The following KLF12 variants were observed in gnomAD, a reference collection of about 807,000 sequenced individuals.
KLF12 encodes the protein Krueppel-like factor 12.
A neutral mutation model predicts 37.8 loss-of-function variants in KLF12; 9 were observed. The ratio of observed to expected loss-of-function variants is 0.24; its 90% CI spans 0.14 to 0.42. The LOEUF is 0.42. KLF12 is among the 10% of genes least tolerant of loss of function. The pLI is 1.00. For synonymous variants in KLF12, 208 were observed against 202.1 expected (o/e 1.03, Z -0.25); for missense variants, 411 against 516.0 (o/e 0.80, Z 1.97).
intron 6 of KLF12, among the ~76,000 whole-genome samples, chr13:73,731,604 G>T (rs531890992): frequency 6.7e-5 from 10 of 148,840 alleles, no homozygotes; most frequent in Admixed American, 6.1e-4. Context: ...TTCTTTTAGG[G>T]ATATTACTAA....
intron 4 of KLF12, among the ~76,000 whole-genome samples, chr13:73,834,054 G>A (rs947366969): frequency 6.6e-6 from 1 of 152,124 alleles, no homozygotes; most frequent in Non-Finnish European, 1.5e-5. Context: ...TGTCAAACAC[G>A]ATGTTGGGGA....
chr13:73,964,451 G>A (rs1016951803), intron 2 of KLF12, among the ~76,000 whole-genome samples: 17 of 151,872 alleles, frequency 1.1e-4, no homozygotes, highest in African/African-American at 3.6e-4. Flanking sequence ...CAAAACCACC[G>A]CTCAATTTCA....
At chr13:74,282,734 A>T in the KLF12 span, among the ~76,000 whole-genome samples, 1 of 152,170 alleles carries the variant, frequency 6.6e-6, no homozygotes, top group South Asian at 2.1e-4. Flanking sequence ...CCAAAACTGA[A>T]TAGAAAGGGT....
At chr13:73,845,707 C>T (rs538545909) in intron 4 of KLF12, 120 bp downstream of exon 4, 7 of 825,758 alleles carry the variant, frequency 8.5e-6, no homozygotes, top group South Asian at 1.8e-5. Flanking sequence ...GGTGTCTCCA[C>T]GTTGCTCTAC....
chr13:74,100,004 G>C (rs1201898357), intron 1 of KLF12, among the ~76,000 whole-genome samples: 1 of 152,062 alleles, frequency 6.6e-6, no homozygotes, highest in Non-Finnish European at 1.5e-5. Flanking sequence ...ACACACACAG[G>C]GAAGCAGGTC....
At chr13:74,113,955 G>A (rs1378180283) in intron 1 of KLF12, among the ~76,000 whole-genome samples, 1 of 152,176 alleles carries the variant, frequency 6.6e-6, no homozygotes, top group Non-Finnish European at 1.5e-5. Flanking sequence ...AACCCTCACG[G>A]ATGACTTGGA....
At chr13:73,816,853 C>A (rs1183574533) in intron 4 of KLF12, among the ~76,000 whole-genome samples, 1 of 152,172 alleles carries the variant, frequency 6.6e-6, no homozygotes, top group East Asian at 1.9e-4. Context: ...GCTCAGCAGG[C>A]GGCCAATCCC....
the KLF12 span, among the ~76,000 whole-genome samples, chr13:74,225,112 C>T: frequency 1.3e-5 from 2 of 152,066 alleles, no homozygotes; most frequent in African/African-American, 4.8e-5. Flanking sequence ...AAAGCTAAAA[C>T]ATAACACTAC....
intron 1 of KLF12, among the ~76,000 whole-genome samples, chr13:74,030,278 T>C (rs1893080773): frequency 6.6e-6 from 1 of 152,018 alleles, no homozygotes; most frequent in Admixed American, 6.6e-5. Flanking sequence ...ATAGAGAGAC[T>C]ACCTCTTTCG....
intron 4 of KLF12, among the ~76,000 whole-genome samples, chr13:73,843,583 A>G (rs1397236456): frequency 6.6e-6 from 1 of 152,192 alleles, no homozygotes; most frequent in East Asian, 1.9e-4. Flanking sequence ...CTGGGATTAC[A>G]GGCATGAGTC....
At chr13:74,057,483 G>A (rs1873313389) in intron 1 of KLF12, among the ~76,000 whole-genome samples, 2 of 152,130 alleles carry the variant, frequency 1.3e-5, no homozygotes, top group African/African-American at 4.8e-5. Context: ...GGCTACAATG[G>A]TAACTGTTAA....
intron 4 of KLF12, among the ~76,000 whole-genome samples, chr13:73,830,074 T>C (rs1002726134): frequency 6.6e-6 from 1 of 152,218 alleles, no homozygotes; most frequent in Non-Finnish European, 1.5e-5. Context: ...TGCTTGTTAA[T>C]AGTTGCATTA....
chr13:73,991,123 C>T (rs1158132530), intron 2 of KLF12, among the ~76,000 whole-genome samples: 1 of 152,084 alleles, frequency 6.6e-6, no homozygotes. Context: ...ACTGAAGTGA[C>T]TTGACAGTAA....
intron 3 of KLF12, among the ~76,000 whole-genome samples, chr13:73,848,059 A>G (rs1885123294): frequency 6.6e-6 from 1 of 152,220 alleles, no homozygotes; most frequent in African/African-American, 2.4e-5. Flanking sequence ...CAGTAAGCAC[A>G]TATTATTAAA....
chr13:74,195,993 CA>C, the KLF12 span, among the ~76,000 whole-genome samples: 2 of 152,178 alleles, frequency 1.3e-5, no homozygotes. Context: ...ACTGTGGTTA[CA>C]AGGTATTATG....
the KLF12 span, among the ~76,000 whole-genome samples, chr13:74,166,085 A>AT: frequency 1.9e-5 from 2 of 104,702 alleles, no homozygotes; most frequent in Admixed American, 2.4e-4. Context: ...ATGCATAAAC[A>AT]CCTTTTTTTT....
chr13:73,757,990 T>C (rs1566347191), intron 6 of KLF12, among the ~76,000 whole-genome samples: 1 of 152,190 alleles, frequency 6.6e-6, no homozygotes. Context: ...TTTTTTTCTG[T>C]ATCAGTCATT....
intron 3 of KLF12, among the ~76,000 whole-genome samples, chr13:73,858,110 C>G (rs1885702554): frequency 6.6e-6 from 1 of 151,918 alleles, no homozygotes; most frequent in Non-Finnish European, 1.5e-5. Context: ...CCTATATTTT[C>G]TACAGCAAAT....
At chr13:73,926,441 G>A (rs979998335) in intron 3 of KLF12, among the ~76,000 whole-genome samples, 1 of 152,104 alleles carries the variant, frequency 6.6e-6, no homozygotes, top group Non-Finnish European at 1.5e-5. Context: ...TAATGGTCTT[G>A]CACACTTAAT....
Sources: gnomAD v4.1 joint callset for allele counts (sites outside exome capture counted in the v4.1 genomes callset) on GRCh38, gnomAD v4.1.1 for gene constraint, MANE v1.5 for transcripts, NCBI Gene and HGNC (gene_info 2026-07-23, HGNC 2026-07-21) for gene names.